PRKAR2B: variants seen among roughly 807,000 people sequenced by gnomAD.
PRKAR2B encodes protein kinase cAMP-dependent type II regulatory subunit beta.
PRKAR2B carries 14 observed loss-of-function variants against 49.9 expected under a neutral mutation model. The observed-to-expected ratio is 0.28, with a 90% CI of 0.19 to 0.44. The LOEUF (loss-of-function observed/expected upper bound fraction) is 0.44. Among genes scored for constraint, PRKAR2B ranks in the 20% least tolerant of loss-of-function variants. The pLI, the probability that PRKAR2B is intolerant of heterozygous loss-of-function variation, is 1.00. For synonymous variants in PRKAR2B, 196 were observed against 197.7 expected, an observed-to-expected ratio of 0.99 and a Z score of 0.07; for missense variants, 393 against 537.9, an observed-to-expected ratio of 0.73 and a Z score of 2.67.
At chr7:107,151,920 A>G (rs760873215) in intron 7 of PRKAR2B, among the ~76,000 whole-genome samples, 9 of 152,268 alleles carry the variant, frequency 5.9e-5, no homozygotes, top group Non-Finnish European at 1.2e-4. Context: ...CTGTCCATAT[A>G]TTGATGCTTC....
At chr7:107,052,189 C>T (rs1042819124) in intron 1 of PRKAR2B, among the ~76,000 whole-genome samples, 6 of 152,118 alleles carry the variant, frequency 3.9e-5, no homozygotes, top group African/African-American at 1.4e-4. Flanking sequence ...GAGGCCGATG[C>T]GGGCGGATCA....
At chr7:107,050,905 A>G (rs1394984350) in intron 1 of PRKAR2B, among the ~76,000 whole-genome samples, 1 of 152,130 alleles carries the variant, frequency 6.6e-6, no homozygotes, top group East Asian at 1.9e-4. Context: ...TTTCTTGCCC[A>G]GGCTGGTCTT....
chr7:107,121,610 C>T (rs1228940085), intron 2 of PRKAR2B, among the ~76,000 whole-genome samples: 2 of 152,064 alleles, frequency 1.3e-5, no homozygotes, highest in Non-Finnish European at 2.9e-5. Context: ...TTAAATTCAT[C>T]ATTTCATGGC....
intron 1 of PRKAR2B, among the ~76,000 whole-genome samples, chr7:107,067,989 A>G (rs1794186991): frequency 6.6e-6 from 1 of 152,194 alleles, no homozygotes; most frequent in African/African-American, 2.4e-5. Context: ...ATGCAGGACA[A>G]AAGTTGAAGG....
chr7:107,087,394 T>C (rs1794641870), intron 2 of PRKAR2B, among the ~76,000 whole-genome samples: 1 of 152,166 alleles, frequency 6.6e-6, no homozygotes, highest in Non-Finnish European at 1.5e-5. Context: ...TTAATATAAA[T>C]AGAACCTGGA....
rs562409623 is a variant in PRKAR2B, at chr7:107,045,412, C to T, written c.307+198C>T. ...CTCGCCCACCTTCCTACTCCGCTCT[C>T]TGTCATACCCTCTTCCCTTCCTCTA... On this transcript the variant is annotated intron_variant, in intron 1 of 10. Transcript: ENST00000265717. Among the ~76,000 whole-genome samples, 3 of 152,324 alleles carry T rather than the reference C, an allele frequency of 2.0e-5. No individual in the cohort carries two copies. The South Asian group carries it at 6.2e-4, about 32-fold the overall frequency.
intron 2 of PRKAR2B, among the ~76,000 whole-genome samples, chr7:107,095,213 G>A (rs1171073605): frequency 6.6e-6 from 1 of 152,104 alleles, no homozygotes; most frequent in Admixed American, 6.5e-5. Context: ...CCTTGAAGAA[G>A]TCCTTCACAT....
chr7:107,136,309 G>T (rs1337098899), intron 4 of PRKAR2B, among the ~76,000 whole-genome samples: 1 of 152,152 alleles, frequency 6.6e-6, no homozygotes, highest in Non-Finnish European at 1.5e-5. Context: ...ATCCATGAAA[G>T]AATTGATAAG....
Position 107,084,460 on chromosome 7 carries a change from G to T in PRKAR2B, c.343+14144G>T, listed in dbSNP as rs937495450. ...TATATCTAGAAATATGTAAAGCGTA[G>T]TATTCATTTATACAAATAGGAAACT... is the stretch of plus-strand genomic sequence containing the variant. On this transcript the variant is annotated intron_variant, in intron 2 of 10. Transcript: ENST00000265717. Among the ~76,000 whole-genome samples, 10 of 151,906 alleles carry T rather than the reference G, an allele frequency of 6.6e-5. No individual in the cohort carries two copies. The East Asian group carries it at 1.9e-3, about 29-fold the overall frequency.
intron 1 of PRKAR2B, among the ~76,000 whole-genome samples, chr7:107,061,875 C>T (rs910446412): frequency 2.6e-5 from 4 of 151,786 alleles, no homozygotes; most frequent in South Asian, 4.2e-4. Context: ...CCAACCTGGG[C>T]GACAGAGTGA....
chr7:107,086,010 A>G (rs1794612589), intron 2 of PRKAR2B, among the ~76,000 whole-genome samples: 1 of 152,210 alleles, frequency 6.6e-6, no homozygotes, highest in Admixed American at 6.5e-5. Context: ...TCATATTCCA[A>G]TCTTAGGTTC....
chr7:107,149,125 C>CT (rs1795941465), intron 6 of PRKAR2B, among the ~76,000 whole-genome samples: 1 of 152,152 alleles, frequency 6.6e-6, no homozygotes, highest in African/African-American at 2.4e-5. Flanking sequence ...ATGCAGAGAT[C>CT]TTGAGTCATT....
intron 5 of PRKAR2B, among the ~76,000 whole-genome samples, chr7:107,143,453 G>A (rs1795825794): frequency 6.6e-6 from 1 of 152,246 alleles, no homozygotes; most frequent in South Asian, 2.1e-4. Context: ...GAGACTGCAA[G>A]CCTGCCATTG....
chr7:107,079,627 C>T (rs1296990436), intron 2 of PRKAR2B: 1 of 152,124 alleles, frequency 6.6e-6, no homozygotes, highest in Non-Finnish European at 1.5e-5. Flanking sequence ...GCCATGGGCT[C>T]TCTTATCTAG....
At chr7:107,141,262 T>C (rs1334555187) in intron 5 of PRKAR2B, among the ~76,000 whole-genome samples, 1 of 152,236 alleles carries the variant, frequency 6.6e-6, no homozygotes, top group Admixed American at 6.5e-5. Flanking sequence ...AGTATTAGTA[T>C]GTACTAGATG....
chr7:107,111,245 G>A (rs895510333), intron 2 of PRKAR2B, among the ~76,000 whole-genome samples: 3 of 152,230 alleles, frequency 2.0e-5, no homozygotes, highest in Non-Finnish European at 4.4e-5. Flanking sequence ...CAGTACAGTA[G>A]AACACCAAGT....
At chr7:107,046,128 A>T (rs1793688062) in intron 1 of PRKAR2B, among the ~76,000 whole-genome samples, 1 of 151,920 alleles carries the variant, frequency 6.6e-6, no homozygotes, top group Non-Finnish European at 1.5e-5. Context: ...TTCTGCTTAC[A>T]ACCCTCTTTC....
At chr7:107,156,050 A>G (rs1796081097) in intron 8 of PRKAR2B, among the ~76,000 whole-genome samples, 1 of 152,206 alleles carries the variant, frequency 6.6e-6, no homozygotes, top group Admixed American at 6.5e-5. Context: ...GTGGGAGTTG[A>G]ACAATAAGAA....
chr7:107,064,659 C>A (rs1446454877), intron 1 of PRKAR2B, among the ~76,000 whole-genome samples: 1 of 152,160 alleles, frequency 6.6e-6, no homozygotes, highest in East Asian at 1.9e-4. Context: ...GTCCTTGTAC[C>A]TTTGAGCCCC....
Sources: allele counts gnomAD v4.1 joint callset (sites outside exome capture counted in the v4.1 genomes callset), GRCh38; gene constraint gnomAD v4.1.1; transcripts MANE v1.5; gene names NCBI Gene and HGNC (gene_info 2026-07-23, HGNC 2026-07-21).